Variants in CSPP1 observed in about 807,000 individuals in gnomAD.
CSPP1 encodes centrosome and spindle pole-associated protein 1.
Under a neutral mutation model 164.4 loss-of-function variants are expected in CSPP1, and 126 were observed. The ratio of observed to expected loss-of-function variants is 0.77; its 90% CI spans 0.66 to 0.89. The LOEUF (loss-of-function observed/expected upper bound fraction) is 0.89. Among genes scored for constraint, CSPP1 ranks in the 40% least tolerant of loss-of-function variants. The probability of loss-of-function intolerance (pLI) is 0.00; values close to 1 mark genes in which losing one functional copy is unlikely to be tolerated. For missense variants in CSPP1, 1,395 were observed against 1,449.8 expected (o/e 0.96, Z 0.61); for synonymous variants, 472 against 476.7 (o/e 0.99, Z 0.13).
intron 13 of CSPP1, among the ~76,000 whole-genome samples, chr8:67,117,542 A>T (rs1818185682): frequency 1.3e-5 from 2 of 152,246 alleles, no homozygotes; most frequent in South Asian, 4.1e-4. Context: ...AGAGGTTTTT[A>T]GAAGTTTTAA....
At position 67,164,404 on chromosome 8, in the gene CSPP1, T is replaced by C. The variant is rs779472730; in HGVS notation, c.2724T>C (p.Asn908=). The C allele has an allele frequency of 6.4e-7, 1 of 1,569,854 alleles. No individual in the cohort carries two copies. The highest frequency in any genetic ancestry group is 8.8e-7 in the Non-Finnish European group (1 of 1,141,078). The change falls in exon 24 of 31, where the codon AAT becomes AAC. Residue 908 remains asparagine (N), a synonymous_variant. Coordinates refer to ENST00000678616, the MANE Select transcript of CSPP1 (RefSeq NM_001382391.1). ...GGGAATTTGCAGAGGAGAAAAAAAA[T>C]GTAATTATGGAATTATCAGAAATGA... ...NQLRAEEEKK[N]VIMELSEMRK...
chr8:67,091,024 T>C (rs1415941712), intron 4 of CSPP1, among the ~76,000 whole-genome samples: 1 of 152,216 alleles, frequency 6.6e-6, no homozygotes, highest in East Asian at 1.9e-4. Flanking sequence ...TTGGGGATCA[T>C]GTGTATTTTT....
intron 1 of CSPP1, among the ~76,000 whole-genome samples, chr8:67,066,747 A>T (rs1167729732): frequency 6.6e-6 from 1 of 152,058 alleles, no homozygotes; most frequent in African/African-American, 2.4e-5. Flanking sequence ...ATATATATAC[A>T]CACACACATA....
chr8:67,104,598 C>CT (rs765234745), intron 8 of CSPP1, among the ~76,000 whole-genome samples: 10 of 150,044 alleles, frequency 6.7e-5, no homozygotes, highest in African/African-American at 1.7e-4. Context: ...CTTTCTTTTC[C>CT]TTTTTTTTTA....
At chr8:67,159,901 TTTC>T (rs1827617571) in intron 21 of CSPP1, among the ~76,000 whole-genome samples, 1 of 67,830 alleles carries the variant, frequency 1.5e-5, no homozygotes, top group East Asian at 3.8e-4. Flanking sequence ...TCTTTCTTTC[TTTC>T]TTTCTTTCTT....
chr8:67,098,974 T>A (rs1346297288), intron 7 of CSPP1, among the ~76,000 whole-genome samples: 1 of 151,564 alleles, frequency 6.6e-6, no homozygotes. Context: ...TTTTTTTTTT[T>A]AAAGATTAAC....
chr8:67,088,311 A>G lies in CSPP1; in HGVS notation c.303+2201A>G, dbSNP rs530281643. Among the ~76,000 whole-genome samples, 154 of 151,880 alleles carry G rather than the reference A, an allele frequency of 1.0e-3. No individual in the cohort carries two copies. In the Middle Eastern group the frequency reaches 0.017, roughly 17 times the overall value. ...TTGTTTTTTGGTTTTTTTTTGAGAC[A>G]GAGTCTTGCTCTGTCGCCCAGGCTG... On this transcript the variant is annotated intron_variant, in intron 4 of 30. Coordinates refer to ENST00000678616, the MANE Select transcript of CSPP1 (RefSeq NM_001382391.1).
At chr8:67,120,860 CT>C (rs943972260) in intron 15 of CSPP1, among the ~76,000 whole-genome samples, 110 of 145,126 alleles carry the variant, frequency 7.6e-4, no homozygotes, top group African/African-American at 1.2e-3. Flanking sequence ...TTCTTTCTTT[CT>C]TTTTTTTTTT....
At chr8:67,149,177 A>C (rs897741508) in intron 17 of CSPP1, among the ~76,000 whole-genome samples, 1 of 152,168 alleles carries the variant, frequency 6.6e-6, no homozygotes, top group Non-Finnish European at 1.5e-5. Flanking sequence ...ATGGTATGGC[A>C]GTTGGCTTTC....
At chr8:67,162,454 T>C (rs1025606587) in intron 22 of CSPP1, among the ~76,000 whole-genome samples, 7 of 152,174 alleles carry the variant, frequency 4.6e-5, no homozygotes, top group African/African-American at 1.7e-4. Context: ...TTTTGTTCCA[T>C]AGGCTGGTAG....
At chr8:67,163,677 AG>A in intron 22 of CSPP1, 54 bp from the exon 23 acceptor site, 1 of 1,326,874 alleles carries the variant, frequency 7.5e-7, no homozygotes, top group Non-Finnish European at 1.1e-6. Flanking sequence ...ACTCCCTTCA[AG>A]CTTCTGTGTA....
intron 4 of CSPP1, among the ~76,000 whole-genome samples, chr8:67,091,268 T>C (rs1031562075): frequency 2.0e-5 from 3 of 152,198 alleles, no homozygotes; most frequent in Non-Finnish European, 4.4e-5. Flanking sequence ...TAATGCTGCC[T>C]CTACTACACT....
intron 29 of CSPP1, among the ~76,000 whole-genome samples, chr8:67,191,579 C>G (rs776777532): frequency 3.3e-5 from 5 of 152,178 alleles, no homozygotes; most frequent in Non-Finnish European, 5.9e-5. Context: ...GAAGGTCATT[C>G]ATGTTGTAGC....
In CSPP1 at chr8:67,127,635, G is replaced by A. The variant is rs949054769; in HGVS notation, c.1698-4316G>A. On this transcript the variant is annotated intron_variant, in intron 15 of 30. Coordinates refer to ENST00000678616, the MANE Select transcript of CSPP1 (RefSeq NM_001382391.1). ...TGACTCGTGTTCTCATTGCTTTAACGGAGTAGCAGGTTTTCTTAAAGTTCT... is the reference window on the plus strand; with the variant it reads ...TGACTCGTGTTCTCATTGCTTTAACAGAGTAGCAGGTTTTCTTAAAGTTCT... Among the ~76,000 whole-genome samples, 18 of 152,258 alleles carry A rather than the reference G, an allele frequency of 1.2e-4. No individual in the cohort carries two copies. In the South Asian group the frequency reaches 1.5e-3, roughly 12 times the overall value.
At chr8:67,139,664 T>TA (rs1395386574) in intron 17 of CSPP1, among the ~76,000 whole-genome samples, 1 of 152,218 alleles carries the variant, frequency 6.6e-6, no homozygotes, top group African/African-American at 2.4e-5. Context: ...TATGCAGCCA[T>TA]AAAAAAGGCT....
At chr8:67,067,609 G>A (rs1585772657) in intron 1 of CSPP1, among the ~76,000 whole-genome samples, 1 of 151,950 alleles carries the variant, frequency 6.6e-6, no homozygotes, top group South Asian at 2.1e-4. Flanking sequence ...AACTACAGGC[G>A]CCTGCCACCA....
At chr8:67,077,964 A>G (rs567290696) in intron 3 of CSPP1, among the ~76,000 whole-genome samples, 1 of 152,306 alleles carries the variant, frequency 6.6e-6, no homozygotes, top group East Asian at 1.9e-4. Flanking sequence ...TAGTGAACTA[A>G]AGTATTATAT....
chr8:67,065,866 A>G lies in CSPP1; in HGVS notation c.-11+1328A>G, dbSNP rs538244332. ...TCTGCCAGATGGCCGCCTGGGAGGGAGTGGGTGAGTTTAGACAGAGTAAAT... is the reference window on the plus strand; with the variant it reads ...TCTGCCAGATGGCCGCCTGGGAGGGGGTGGGTGAGTTTAGACAGAGTAAAT... On this transcript the variant is annotated intron_variant, in intron 1 of 30. Coordinates refer to ENST00000678616, the MANE Select transcript of CSPP1 (RefSeq NM_001382391.1). 7.2e-5 allele frequency among the ~76,000 whole-genome samples: 11 copies of G among 152,146 alleles called. No individual in the cohort carries two copies. In the South Asian group the frequency reaches 1.9e-3, roughly 26 times the overall value.
In CSPP1 at chr8:67,123,795, T is replaced by C. The variant is rs1003558799; in HGVS notation, c.1697+4974T>C. Among the ~76,000 whole-genome samples the C allele has an allele frequency of 1.3e-4, 20 of 151,670 alleles. 2 individuals are homozygous for C. Among genetic ancestry groups the C allele is most frequent in the Admixed American group, 1.2e-3 (19 of 15,228 alleles). On this transcript the variant is annotated intron_variant, in intron 15 of 30. Coordinates refer to ENST00000678616, the MANE Select transcript of CSPP1 (RefSeq NM_001382391.1). ...CCTGGCTAAATATTTGTATTTTTTGTAGAGATAGGGTTTTGCCATGTTTCC... is the reference window on the plus strand; with the variant it reads ...CCTGGCTAAATATTTGTATTTTTTGCAGAGATAGGGTTTTGCCATGTTTCC...
Sources: allele counts gnomAD v4.1 joint callset (sites outside exome capture counted in the v4.1 genomes callset), GRCh38; gene constraint gnomAD v4.1.1; transcripts MANE v1.5; gene names NCBI Gene and HGNC (gene_info 2026-07-23, HGNC 2026-07-21).